Variants in PHKA1 observed in about 807,000 individuals in gnomAD.
PHKA1 encodes phosphorylase kinase regulatory subunit alpha 1, also known as phosphorylase b kinase regulatory subunit alpha, skeletal muscle isoform.
PHKA1 carries 60 observed loss-of-function variants against 110.2 expected under a neutral mutation model. The ratio of observed to expected loss-of-function variants is 0.54; its 90% CI spans 0.44 to 0.68. The LOEUF (loss-of-function observed/expected upper bound fraction) is 0.68, where lower values mean the gene tolerates loss of function less well. PHKA1 is among the 30% of genes least tolerant of loss of function. The pLI is 0.00. For missense variants in PHKA1, 801 were observed against 942.5 expected, an observed-to-expected ratio of 0.85 and a Z score of 1.97; for synonymous variants, 316 against 333.6, an observed-to-expected ratio of 0.95 and a Z score of 0.58.
Position 72,593,174 on chromosome X carries a change from C to T in PHKA1, c.3173G>A (p.Arg1058Lys), listed in dbSNP as rs1480580928. 1 of 1,196,896 alleles carries T rather than the reference C, an allele frequency of 8.4e-7. No homozygotes were observed. The highest frequency in any genetic ancestry group is 3.0e-5 in the East Asian group (1 of 33,732). ...TCTATTCAGTGCCCCATCCAGCCTT[C>T]TTCGGCGTTGCCATTGACCTTGACG... ...DSRQGQWQRR[R>K]RLDGALNRVP... is the part of the protein sequence containing the mutation. The change falls in exon 29 of 32, where the codon AGA becomes AAA. Residue 1058 changes from arginine (R) to lysine (K), a missense_variant. By Grantham distance (26) the Arg-to-Lys change is conservative (BLOSUM62 2). Coordinates refer to ENST00000373542, the MANE Select transcript of PHKA1 (RefSeq NM_002637.4).
rs782546754 is a variant in PHKA1 at position 72,582,525 on chromosome X, C to T, written c.3371G>A (p.Arg1124His). 44 of 1,199,653 alleles carry T rather than the reference C, an allele frequency of 3.7e-5. No individual in the cohort carries two copies. The highest frequency in any genetic ancestry group is 4.5e-5 in the Non-Finnish European group (40 of 885,858). ...VLNRVPQPEYRQLLVEAILVL... is the reference protein window; with the variant it reads ...VLNRVPQPEYHQLLVEAILVL... ...AAGGATGGCTTCAACCAGCAGCTGA[C>T]GGTACTCTGGCTGAGGTACACGATT... The change falls in exon 31 of 32, where the codon CGT becomes CAT. Residue 1124 changes from arginine (R) to histidine (H), a missense_variant. Arg to His is a conservative substitution (Grantham distance 29, BLOSUM62 0). This residue lies in a region of PHKA1 where 502 missense variants were observed against 519.2 expected (regional missense o/e 0.97). Transcript: ENST00000373542.
chrX:72,706,070 A>G (rs1250734328), intron 2 of PHKA1, among the ~76,000 whole-genome samples: 1 of 112,082 alleles, frequency 8.9e-6, no homozygotes, highest in Non-Finnish European at 1.9e-5. Context: ...CTGAAAACTA[A>G]TCTACTTGGA....
chrX:72,670,153 G>GT (rs1286899894), intron 6 of PHKA1, among the ~76,000 whole-genome samples: 1 of 111,831 alleles, frequency 8.9e-6, no homozygotes, highest in Non-Finnish European at 1.9e-5. Context: ...ATTTTTTCAT[G>GT]TTTTTTGGTG....
At chrX:72,610,297 A>T (rs1223117076) in intron 22 of PHKA1, among the ~76,000 whole-genome samples, 2 of 111,066 alleles carry the variant, frequency 1.8e-5, no homozygotes, top group Non-Finnish European at 3.8e-5. Context: ...CCCAGCTTCT[A>T]GTATCCATCA....
At position 72,642,571 on chromosome X, in the gene PHKA1, A is replaced by G. The variant is rs376809139; in HGVS notation, c.1459+1791T>C. Among the ~76,000 whole-genome samples, 41 of 111,020 alleles carry G rather than the reference A, an allele frequency of 3.7e-4. No individual in the cohort carries two copies. The South Asian group carries it at 8.2e-3, about 22-fold the overall frequency. On this transcript the variant is annotated intron_variant, in intron 14 of 31. Coordinates refer to ENST00000373542, the MANE Select transcript of PHKA1 (RefSeq NM_002637.4). ...AGTATCTGGAGACTAGAAGTGCATT[A>G]TAGGTCTGGGGTGACAGGGAATGGC...
intron 17 of PHKA1, among the ~76,000 whole-genome samples, chrX:72,624,373 C>T (rs1556281359): frequency 9.0e-6 from 1 of 111,335 alleles, no homozygotes; most frequent in Non-Finnish European, 1.9e-5. Context: ...ATACAACTTC[C>T]TCCTGGTAAC....
chrX:72,679,427 T>C (rs1156536036), intron 5 of PHKA1, among the ~76,000 whole-genome samples: 2 of 109,078 alleles, frequency 1.8e-5, no homozygotes, highest in Admixed American at 1.0e-4. Context: ...CAGTAAAAAA[T>C]TACTAGGCAT....
chrX:72,682,331 G>A (rs2053906166), intron 5 of PHKA1, among the ~76,000 whole-genome samples: 1 of 108,634 alleles, frequency 9.2e-6, no homozygotes, highest in Non-Finnish European at 1.9e-5. Flanking sequence ...CCGTCCGGGA[G>A]GGAGGTGGGG....
At chrX:72,636,481 A>T (rs1013986864) in intron 14 of PHKA1, 95 bp from the exon 15 acceptor site, 26 of 524,638 alleles carry the variant, frequency 5.0e-5, no homozygotes, top group Admixed American at 7.7e-5. Context: ...CACATACACA[A>T]TGTATGTATA....
At chrX:72,638,422 T>G (rs1375983944) in intron 14 of PHKA1, among the ~76,000 whole-genome samples, 1 of 109,793 alleles carries the variant, frequency 9.1e-6, no homozygotes, top group Non-Finnish European at 1.9e-5. Flanking sequence ...GGGTGTCTGT[T>G]TTATTTTTTT....
At chrX:72,606,562 A>AT (rs1286703422) in intron 23 of PHKA1, among the ~76,000 whole-genome samples, 1 of 110,049 alleles carries the variant, frequency 9.1e-6, no homozygotes, top group East Asian at 2.8e-4. Context: ...TTTTCTTTAA[A>AT]TTTTTTTTTA....
chrX:72,604,373 A>C (rs2052699299), intron 25 of PHKA1, among the ~76,000 whole-genome samples: 1 of 111,511 alleles, frequency 9.0e-6, no homozygotes, highest in Non-Finnish European at 1.9e-5. Flanking sequence ...ATTAAATGAC[A>C]CAATATATGT....
intron 16 of PHKA1, among the ~76,000 whole-genome samples, chrX:72,629,312 T>C (rs1347713593): frequency 8.9e-6 from 1 of 112,031 alleles, no homozygotes; most frequent in Non-Finnish European, 1.9e-5. Context: ...CATACACTTT[T>C]ATAAGTGTTC....
chrX:72,642,308 G>A (rs1354688246), intron 14 of PHKA1, among the ~76,000 whole-genome samples: 4 of 111,557 alleles, frequency 3.6e-5, no homozygotes, highest in Admixed American at 2.9e-4. Context: ...AAGATATGCC[G>A]ATTTAGAATA....
chrX:72,677,355 CTA>C (rs1556312288), intron 5 of PHKA1, among the ~76,000 whole-genome samples: 3 of 111,913 alleles, frequency 2.7e-5, no homozygotes, highest in Non-Finnish European at 3.8e-5. Context: ...TCCACTGTTA[CTA>C]TTTTTTTGTT....
chrX:72,697,431 G>C (rs1377780425), intron 3 of PHKA1, among the ~76,000 whole-genome samples: 8 of 109,929 alleles, frequency 7.3e-5, no homozygotes, highest in Non-Finnish European at 1.5e-4. Context: ...TAATTAAAAG[G>C]TTAACATCCA....
At chrX:72,630,317 G>A (rs1556286468) in intron 16 of PHKA1, among the ~76,000 whole-genome samples, 1 of 110,070 alleles carries the variant, frequency 9.1e-6, no homozygotes, top group Non-Finnish European at 1.9e-5. Flanking sequence ...GAGAGAGAGA[G>A]AGAGAAAGAA....
rs781878596 is a variant in PHKA1 at position 72,620,851 on chromosome X, T to G, written c.2011A>C (p.Thr671Pro). 1.7e-6 allele frequency: 2 copies of G among 1,208,183 alleles called. No homozygotes were observed. ...GGGGCTAGTTTAGGATGGGGAGCAGTGTGCGCCAAAAGGTGATCTAAATAA... is the reference window on the plus strand; with the variant it reads ...GGGGCTAGTTTAGGATGGGGAGCAGGGTGCGCCAAAAGGTGATCTAAATAA... ...ARYLDHLLAH[T>P]APHPKLAPTS... is the part of the protein sequence containing the mutation. The change falls in exon 19 of 32, where the codon ACT becomes CCT. Residue 671 changes from threonine to proline, a missense_variant. Transcript: ENST00000373542.
intron 2 of PHKA1, among the ~76,000 whole-genome samples, chrX:72,710,927 T>C (rs1383096896): frequency 3.7e-5 from 4 of 106,961 alleles, no homozygotes; most frequent in Admixed American, 3.0e-4. Flanking sequence ...AGTGGCGCGA[T>C]CTCGGCTCAC....
Sources: gnomAD v4.1 joint callset for allele counts (sites outside exome capture counted in the v4.1 genomes callset) on GRCh38, gnomAD v4.1.1 for gene constraint, gnomAD v4.1.1 regional missense constraint, MANE v1.5 for transcripts, NCBI Gene and HGNC (gene_info 2026-07-23, HGNC 2026-07-21) for gene names.